The following ORC5 variants were observed in gnomAD, a reference collection of about 807,000 sequenced individuals.
The protein encoded by ORC5 is protein phosphatase 1, regulatory subunit 117.
A neutral mutation model predicts 58.8 loss-of-function variants in ORC5; 39 were observed. That is an observed-to-expected ratio of 0.66 (90% CI 0.51 to 0.87). The LOEUF is 0.87. ORC5 is among the 40% of genes least tolerant of loss of function. The pLI, the probability that ORC5 is intolerant of heterozygous loss-of-function variation, is 0.00. For missense variants in ORC5, 493 were observed against 506.3 expected, an observed-to-expected ratio of 0.97 and a Z score of 0.25; for synonymous variants, 218 against 177.6, an observed-to-expected ratio of 1.23 and a Z score of -1.81.
intron 11 of ORC5, 123 bp downstream of exon 11, chr7:104,165,112 C>T (rs569138161): frequency 1.9e-5 from 11 of 572,752 alleles, no homozygotes; most frequent in African/African-American, 3.8e-5. Flanking sequence ...TACAGTATAA[C>T]GGTACCATAT....
chr7:104,198,531 AAGCAGCAAAGC>A (rs1416984232), intron 3 of ORC5, among the ~76,000 whole-genome samples: 1 of 152,224 alleles, frequency 6.6e-6, no homozygotes, highest in African/African-American at 2.4e-5. Flanking sequence ...AGAAATTTCT[AAGCAGCAAAGC>A]ATTCAACAGG....
chr7:104,152,262 C>G (rs192668296), intron 12 of ORC5, among the ~76,000 whole-genome samples: 1 of 152,278 alleles, frequency 6.6e-6, no homozygotes, highest in African/African-American at 2.4e-5. Context: ...ATCCTCCCAC[C>G]TCAGCCTTCA....
chr7:104,171,485 G>T (rs1178647679), intron 8 of ORC5, among the ~76,000 whole-genome samples: 3 of 152,142 alleles, frequency 2.0e-5, no homozygotes, highest in African/African-American at 7.2e-5. Flanking sequence ...ATGAAAAGGA[G>T]GGATTAGCTT....
chr7:104,165,462 G>A (rs190782639), intron 10 of ORC5, 180 bp from the exon 11 acceptor site: 98 of 437,006 alleles, frequency 2.2e-4, no homozygotes, highest in South Asian at 3.5e-4. Flanking sequence ...GGCCAATTTC[G>A]TTTAGACTTG....
intron 12 of ORC5, among the ~76,000 whole-genome samples, chr7:104,137,353 T>G (rs546408763): frequency 3.3e-5 from 5 of 152,020 alleles, no homozygotes; most frequent in Non-Finnish European, 7.4e-5. Context: ...CTCCTCGCTT[T>G]GTGATTCTCC....
At chr7:104,192,714 A>C (rs1451725828) in intron 5 of ORC5, among the ~76,000 whole-genome samples, 1 of 152,138 alleles carries the variant, frequency 6.6e-6, no homozygotes, top group African/African-American at 2.4e-5. Context: ...AACCCAAAAC[A>C]AAAGAGGTAA....
chr7:104,139,796 CAT>C (rs1473325921), intron 12 of ORC5, among the ~76,000 whole-genome samples: 4 of 151,978 alleles, frequency 2.6e-5, no homozygotes, highest in Middle Eastern at 4.2e-3. Context: ...TGCTTTGTTA[CAT>C]ATATGTCTAT....
intron 11 of ORC5, among the ~76,000 whole-genome samples, chr7:104,163,495 T>C (rs1313608855): frequency 6.6e-6 from 1 of 152,170 alleles, no homozygotes; most frequent in Non-Finnish European, 1.5e-5. Flanking sequence ...TTTTGTTTGT[T>C]TGTCTGTTTG....
intron 8 of ORC5, among the ~76,000 whole-genome samples, chr7:104,177,813 C>T (rs148514131): frequency 1.4e-4 from 21 of 152,274 alleles, no homozygotes; most frequent in Admixed American, 1.0e-3. Flanking sequence ...AGAGTGAGAA[C>T]ATGCAGTGTT....
chr7:104,143,200 C>T lies in ORC5; in HGVS notation c.1150-6307G>A, dbSNP rs183938215. Among the ~76,000 whole-genome samples the T allele has an allele frequency of 2.6e-5, 4 of 152,062 alleles. No individual in the cohort carries two copies. The East Asian group carries it at 7.7e-4, about 29-fold the overall frequency. On this transcript the variant is annotated intron_variant, in intron 12 of 13. Transcript: ENST00000297431. ...AAAACATTAATTACCCTGTACTTTG[C>T]CACTGACATTTCCTTATAATATTTC...
chr7:104,205,741 A>G (rs2299413), intron 1 of ORC5, among the ~76,000 whole-genome samples: 38,947 of 152,114 alleles, frequency 0.26, 5,278 homozygotes, highest in African/African-American at 0.34. Flanking sequence ...TCTCAGCAGG[A>G]TGCAGTGGCT....
intron 1 of ORC5, among the ~76,000 whole-genome samples, 196 bp downstream of exon 1, chr7:104,207,637 C>T (rs9791845): frequency 0.41 from 62,285 of 151,736 alleles, 15,640 homozygotes; most frequent in African/African-American, 0.68. Context: ...AGGCCGGTCG[C>T]TCTCAGACTG....
At chr7:104,161,308 C>A in intron 11 of ORC5, 126 bp from the exon 12 acceptor site, 2 of 575,508 alleles carry the variant, frequency 3.5e-6, no homozygotes, top group East Asian at 6.1e-5. Flanking sequence ...GCTAACAAAT[C>A]TAACCTGCAA....
intron 12 of ORC5, among the ~76,000 whole-genome samples, chr7:104,137,290 TTTATTGTTTTGTAGAGACAGGGTCTCAC>T (rs1798606034): frequency 6.6e-6 from 1 of 151,840 alleles, no homozygotes; most frequent in Non-Finnish European, 1.5e-5. Flanking sequence ...AAAACAATTT[TTTATTGTTTTGTAGAGACAGGGTCTCAC>T]TGTGTTGTCC....
At chr7:104,168,812 T>C (rs756159585) in intron 8 of ORC5, among the ~76,000 whole-genome samples, 27 of 152,234 alleles carry the variant, frequency 1.8e-4, no homozygotes, top group Non-Finnish European at 3.5e-4. Flanking sequence ...CCGGGTGTGG[T>C]GGCTCATGCC....
chr7:104,145,555 A>G (rs1798741072), intron 12 of ORC5, among the ~76,000 whole-genome samples: 1 of 152,168 alleles, frequency 6.6e-6, no homozygotes, highest in Admixed American at 6.5e-5. Context: ...AGGAACAAAC[A>G]CTAACAAAGA....
At chr7:104,176,915 T>TATA (rs1297876311) in intron 8 of ORC5, among the ~76,000 whole-genome samples, 1 of 152,218 alleles carries the variant, frequency 6.6e-6, no homozygotes, top group Admixed American at 6.5e-5. Context: ...AGTACAAAAC[T>TATA]ATAAACTCAG....
chr7:104,157,954 T>G (rs1798954027), intron 12 of ORC5, among the ~76,000 whole-genome samples: 1 of 152,130 alleles, frequency 6.6e-6, no homozygotes, highest in African/African-American at 2.4e-5. Flanking sequence ...CCTTTCTTTC[T>G]GAATCTCTAA....
At chr7:104,161,263 A>T in intron 11 of ORC5, 81 bp from the exon 12 acceptor site, 1 of 753,284 alleles carries the variant, frequency 1.3e-6, no homozygotes. Flanking sequence ...TGCCAGTAAC[A>T]ATGTATTTTT....
Sources: allele counts gnomAD v4.1 joint callset (sites outside exome capture counted in the v4.1 genomes callset), GRCh38; gene constraint gnomAD v4.1.1; transcripts MANE v1.5; gene names NCBI Gene and HGNC (gene_info 2026-07-23, HGNC 2026-07-21).